The following VPS13B variants were observed in gnomAD, a reference collection of about 807,000 sequenced individuals.
VPS13B encodes the protein vacuolar protein sorting 13 homolog B, also known as intermembrane lipid transfer protein VPS13B.
A neutral mutation model predicts 426.4 loss-of-function variants in VPS13B; 285 were observed. That is an observed-to-expected ratio of 0.67 (90% CI 0.61 to 0.74). The LOEUF (loss-of-function observed/expected upper bound fraction) is 0.74. Ranked by LOEUF, VPS13B falls within the 30% of genes least tolerant of loss-of-function variation. The pLI is 0.00. For synonymous variants in VPS13B, 1,676 were observed against 1,676.4 expected (o/e 1.00, Z 0.01); for missense variants, 4,537 against 4,782.6 (o/e 0.95, Z 1.51).
At chr8:99,275,538 A>G (rs1818854118) in intron 19 of VPS13B, among the ~76,000 whole-genome samples, 1 of 152,122 alleles carries the variant, frequency 6.6e-6, no homozygotes, top group Non-Finnish European at 1.5e-5. Context: ...GTTTTAAAAT[A>G]TAGCATATCA....
intron 2 of VPS13B, among the ~76,000 whole-genome samples, chr8:99,033,419 A>T (rs1267076848): frequency 6.6e-6 from 1 of 152,122 alleles, no homozygotes; most frequent in Non-Finnish European, 1.5e-5. Flanking sequence ...TGACTATGAT[A>T]TATTTGGATT....
chr8:99,228,845 G>A (rs1303457313), intron 17 of VPS13B, among the ~76,000 whole-genome samples: 1 of 152,114 alleles, frequency 6.6e-6, no homozygotes, highest in African/African-American at 2.4e-5. Flanking sequence ...GAAGCCGTGA[G>A]AAAACAGCAG....
chr8:99,527,769 G>T (rs1456517506), intron 30 of VPS13B: 1 of 152,156 alleles, frequency 6.6e-6, no homozygotes, highest in Middle Eastern at 3.4e-3. Flanking sequence ...ATAAACAAAC[G>T]AGATGAAAAT....
chr8:99,033,821 G>A (rs142290894), intron 2 of VPS13B, among the ~76,000 whole-genome samples: 3,275 of 152,088 alleles, frequency 0.022, 136 homozygotes, highest in African/African-American at 0.075. Context: ...ATTTGAACCC[G>A]GGAGGCAGAG....
rs1811249318 is a variant in VPS13B at position 99,766,772 on chromosome 8, A to C, written c.7051-2A>C. 1 of 1,612,482 alleles carries C rather than the reference A, an allele frequency of 6.2e-7. No homozygotes were observed. Among genetic ancestry groups the C allele is most frequent in the Non-Finnish European group, 8.5e-7 (1 of 1,179,590 alleles). The stretch of plus-strand genomic sequence containing the variant: ...TTCTAAATTTTTTTTATTTTAACAT[A>C]GGTTCCTTGTAGCTTGGAATACTGG... On this transcript the variant is annotated splice_acceptor_variant, in intron 39 of 61. Coordinates refer to ENST00000357162, the MANE Select transcript of VPS13B (RefSeq NM_152564.5). LOFTEE classifies it high-confidence loss of function.
intron 54 of VPS13B, among the ~76,000 whole-genome samples, chr8:99,847,199 A>T (rs1816028888): frequency 6.6e-6 from 1 of 152,216 alleles, no homozygotes; most frequent in Admixed American, 6.5e-5. Flanking sequence ...AAGTCTTTTG[A>T]AAAAGATATT....
intron 6 of VPS13B, 94 bp downstream of exon 6, chr8:99,111,373 TAACC>T: frequency 9.5e-7 from 1 of 1,049,292 alleles, no homozygotes; most frequent in East Asian, 2.5e-5. Context: ...ATGAAGAAAT[TAACC>T]TTGTAAATAT....
chr8:99,221,164 A>T (rs968313321), intron 17 of VPS13B, among the ~76,000 whole-genome samples: 34 of 135,940 alleles, frequency 2.5e-4, no homozygotes, highest in African/African-American at 9.3e-4. Flanking sequence ...TATATGTGCC[A>T]CATTTTCTTA....
At chr8:99,433,389 T>C (rs1170388570) in intron 22 of VPS13B, among the ~76,000 whole-genome samples, 1 of 152,214 alleles carries the variant, frequency 6.6e-6, no homozygotes, top group African/African-American at 2.4e-5. Flanking sequence ...AGGCCTGTTA[T>C]ATACAGATTA....
At chr8:99,085,323 C>A (rs967705063) in intron 3 of VPS13B, among the ~76,000 whole-genome samples, 7 of 152,072 alleles carry the variant, frequency 4.6e-5, no homozygotes, top group African/African-American at 1.4e-4. Context: ...TTCCTCCATC[C>A]CTTTATTTTG....
intron 15 of VPS13B, among the ~76,000 whole-genome samples, chr8:99,160,776 A>G (rs1461111816): frequency 6.6e-6 from 1 of 152,162 alleles, no homozygotes; most frequent in African/African-American, 2.4e-5. Context: ...TAAAGTTTTT[A>G]AGTATTTGTA....
intron 19 of VPS13B, among the ~76,000 whole-genome samples, chr8:99,334,477 A>G (rs1199006621): frequency 6.6e-6 from 1 of 152,016 alleles, no homozygotes; most frequent in East Asian, 1.9e-4. Context: ...TCAGTATGAT[A>G]TTGGCTGTGG....
chr8:99,443,210 C>A (rs1228093803), intron 23 of VPS13B, among the ~76,000 whole-genome samples: 2 of 151,894 alleles, frequency 1.3e-5, no homozygotes, highest in Non-Finnish European at 2.9e-5. Context: ...AAAATGTGAA[C>A]CTGGAAAGAT....
chr8:99,838,533 C>G (rs995706883), intron 54 of VPS13B, among the ~76,000 whole-genome samples: 1 of 152,242 alleles, frequency 6.6e-6, no homozygotes, highest in East Asian at 1.9e-4. Flanking sequence ...CTGCTTCATT[C>G]ATTCAGTCAA....
intron 33 of VPS13B, among the ~76,000 whole-genome samples, chr8:99,591,060 T>A (rs1826636496): frequency 1.3e-5 from 2 of 152,198 alleles, no homozygotes; most frequent in African/African-American, 4.8e-5. Context: ...TTAGCTCTTC[T>A]TGTTGAATTG....
Position 99,495,855 on chromosome 8 carries a change from A to T in VPS13B, c.3871-5832A>T, listed in dbSNP as rs551092540. On this transcript the variant is annotated intron_variant, in intron 25 of 61. Transcript: ENST00000357162. The stretch of plus-strand genomic sequence containing the variant: ...TATTCTTAGCTTATTAATATTCAGT[A>T]TTTTCTTTAAAATTGATTGATGAAA... Among the ~76,000 whole-genome samples, 5 of 152,180 alleles carry T rather than the reference A, an allele frequency of 3.3e-5. No individual in the cohort carries two copies. The East Asian group carries it at 9.6e-4, about 29-fold the overall frequency.
chr8:99,297,265 C>A lies in VPS13B; in HGVS notation c.2824+22011C>A, dbSNP rs146636549. Among the ~76,000 whole-genome samples, 3 of 152,142 alleles carry A rather than the reference C, an allele frequency of 2.0e-5. No individual in the cohort carries two copies. The East Asian group carries it at 5.8e-4, about 29-fold the overall frequency. ...TTGGCTATTGTTTCATTTTAGGCAG[C>A]CCTTTTTGAGATGCGCATAGGAGCT... On this transcript the variant is annotated intron_variant, in intron 19 of 61. Coordinates refer to ENST00000357162, the MANE Select transcript of VPS13B (RefSeq NM_152564.5).
rs369932118 is a variant in VPS13B at position 99,717,347 on chromosome 8, A to C, written c.6631A>C (p.Ile2211Leu). Residue 2211 changes from isoleucine (I) to leucine (L), a missense_variant, in exon 37 of 62, where the codon ATT becomes CTT. Coordinates refer to ENST00000357162, the MANE Select transcript of VPS13B (RefSeq NM_152564.5). ...AGAACAATCCATACCAAAAATATCC[A>C]TTGACTTAAGAGGAGGTCTACTACA... ...GPEQSIPKIS[I>L]DLRGGLLQVF... 4.6e-5 allele frequency: 74 copies of C among 1,613,900 alleles called. No homozygotes were observed. Among genetic ancestry groups the C allele is most frequent in the Non-Finnish European group, 6.0e-5 (71 of 1,179,968 alleles).
intron 2 of VPS13B, among the ~76,000 whole-genome samples, chr8:99,030,422 T>G (rs1238627772): frequency 6.6e-6 from 1 of 151,586 alleles, no homozygotes; most frequent in African/African-American, 2.4e-5. Context: ...GAATGTTTGG[T>G]TAACTGGTAT....
Sources: allele counts gnomAD v4.1 joint callset (sites outside exome capture counted in the v4.1 genomes callset), GRCh38; gene constraint gnomAD v4.1.1; transcripts MANE v1.5; gene names NCBI Gene and HGNC (gene_info 2026-07-23, HGNC 2026-07-21).